The following ZNF90 variants were observed in gnomAD, a reference collection of about 807,000 sequenced individuals.
ZNF90 encodes the protein zinc finger protein 90.
A neutral mutation model predicts 12.0 loss-of-function variants in ZNF90; 11 were observed. The observed-to-expected ratio is 0.92, with a 90% CI of 0.58 to 1.52. The LOEUF (loss-of-function observed/expected upper bound fraction) is 1.52, where lower values mean the gene tolerates loss of function less well. ZNF90 is among the 40% of genes most tolerant of loss of function. The probability of loss-of-function intolerance (pLI) is 0.00; values close to 1 mark genes in which losing one functional copy is unlikely to be tolerated. For synonymous variants in ZNF90, 232 were observed against 240.1 expected (o/e 0.97, Z 0.31); for missense variants, 765 against 711.5 (o/e 1.08, Z -0.86).
At position 20,119,656 on chromosome 19, in the gene ZNF90, T is replaced by A. The variant is rs1555706375; in HGVS notation, c.*296T>A. 7.9e-6 allele frequency: 2 copies of A among 253,942 alleles called. No homozygotes were observed. Among genetic ancestry groups the A allele is most frequent in the Admixed American group, 5.0e-5 (1 of 19,918 alleles). 15.7% of individuals were successfully genotyped at this position (253,942 alleles called of 1,614,324 possible). On this transcript the variant is annotated 3_prime_UTR_variant, in exon 4 of 4. Transcript: ENST00000418063. Reference sequence around the variant, plus strand: ...TTTTTTTAAGAAGGAGTTTCATGCTTCTCACCCAGCCTGGAGTGCAATGGC... The same window carrying A: ...TTTTTTTAAGAAGGAGTTTCATGCTACTCACCCAGCCTGGAGTGCAATGGC...
At chr19:20,115,942 C>T (rs891441875) in intron 3 of ZNF90, among the ~76,000 whole-genome samples, 7 of 152,098 alleles carry the variant, frequency 4.6e-5, no homozygotes, top group African/African-American at 9.7e-5. Flanking sequence ...GGTGCAATCT[C>T]GGCTGACTGC....
chr19:20,116,228 G>T (rs976146890), intron 3 of ZNF90, among the ~76,000 whole-genome samples: 1 of 152,130 alleles, frequency 6.6e-6, no homozygotes, highest in Non-Finnish European at 1.5e-5. Context: ...GCAGTGCAGT[G>T]GTACAATCTC....
intron 3 of ZNF90, among the ~76,000 whole-genome samples, chr19:20,105,807 C>T (rs74719851): frequency 0.011 from 1,627 of 152,144 alleles, 16 homozygotes; most frequent in Middle Eastern, 0.027. Context: ...GTATGATATA[C>T]TTCTGCTCTG....
rs1290140746 is a variant in ZNF90, at chr19:20,119,637, TAAG to T, written c.*281_*283del. 1.5e-4 allele frequency: 40 copies of T among 273,646 alleles called. No individual in the cohort carries two copies. The highest frequency in any genetic ancestry group is 2.0e-4 in the Non-Finnish European group (30 of 147,268). 17.0% of individuals were successfully genotyped at this position (273,646 alleles called of 1,614,324 possible). On this transcript the variant is annotated 3_prime_UTR_variant, in exon 4 of 4. Coordinates refer to ENST00000418063, the MANE Select transcript of ZNF90 (RefSeq NM_007138.2). ...GTTCTCAATTCTTTTTTTTTTTTTT[TAAG>T]AAGGAGTTTCATGCTTCTCACCCAG...
chr19:20,108,757 A>C (rs1427340872), intron 3 of ZNF90, among the ~76,000 whole-genome samples: 2 of 94,296 alleles, frequency 2.1e-5, no homozygotes, highest in African/African-American at 8.6e-5. Context: ...TTTGAGATGG[A>C]GTCTCATTCT....
chr19:20,114,751 T>C (rs1429505469), intron 3 of ZNF90, among the ~76,000 whole-genome samples: 3 of 152,134 alleles, frequency 2.0e-5, no homozygotes, highest in Non-Finnish European at 4.4e-5. Flanking sequence ...TGTATCCTGA[T>C]GTTGTTGAGG....
At chr19:20,098,739 G>A (rs2088967226) in intron 1 of ZNF90, among the ~76,000 whole-genome samples, 1 of 152,180 alleles carries the variant, frequency 6.6e-6, no homozygotes. Context: ...TTGAGGCATT[G>A]GAGGATGTCA....
At chr19:20,106,611 G>A (rs544931625) in intron 3 of ZNF90, among the ~76,000 whole-genome samples, 5 of 152,068 alleles carry the variant, frequency 3.3e-5, no homozygotes, top group African/African-American at 4.8e-5. Flanking sequence ...CCGCCACCAC[G>A]CCCAGCTAAT....
chr19:20,078,744 G>T (rs1400318968), intron 1 of ZNF90, among the ~76,000 whole-genome samples: 1 of 152,124 alleles, frequency 6.6e-6, no homozygotes, highest in Non-Finnish European at 1.5e-5. Context: ...AAGCTTGAGT[G>T]TAAGCCAACC....
intron 1 of ZNF90, among the ~76,000 whole-genome samples, chr19:20,102,401 G>A (rs1189102867): frequency 2.0e-5 from 3 of 152,064 alleles, no homozygotes; most frequent in Non-Finnish European, 4.4e-5. Context: ...CTTTAAAATA[G>A]CCAATCAGAA....
chr19:20,099,756 G>A lies in ZNF90; in HGVS notation c.4-4483G>A, dbSNP rs183097180. On this transcript the variant is annotated intron_variant, in intron 1 of 3. Coordinates refer to ENST00000418063, the MANE Select transcript of ZNF90 (RefSeq NM_007138.2). ...GGGAGAGACATCCTAGCAAAAGCAG[G>A]GGCCATTGTACACTAGAATTAGGAG... 3.9e-5 allele frequency among the ~76,000 whole-genome samples: 6 copies of A among 152,302 alleles called. No individual in the cohort carries two copies. In the East Asian group the frequency reaches 1.2e-3, roughly 29 times the overall value.
At chr19:20,083,042 C>T (rs145288924) in intron 1 of ZNF90, among the ~76,000 whole-genome samples, 13 of 152,302 alleles carry the variant, frequency 8.5e-5, no homozygotes, top group Admixed American at 2.6e-4. Flanking sequence ...CATTTCTTCA[C>T]GTTTTCCTGC....
chr19:20,111,697 C>A (rs1368139777), intron 3 of ZNF90, among the ~76,000 whole-genome samples: 1 of 151,736 alleles, frequency 6.6e-6, no homozygotes, highest in Non-Finnish European at 1.5e-5. Context: ...TAAATTTTAT[C>A]TTTGTAATCA....
chr19:20,116,822 C>T (rs2089140538), intron 3 of ZNF90, among the ~76,000 whole-genome samples: 1 of 152,032 alleles, frequency 6.6e-6, no homozygotes, highest in Non-Finnish European at 1.5e-5. Context: ...AGTTTCTCTG[C>T]TTCTCTAACA....
At chr19:20,115,919 A>C (rs78507049) in intron 3 of ZNF90, among the ~76,000 whole-genome samples, 71 of 152,194 alleles carry the variant, frequency 4.7e-4, no homozygotes, top group Non-Finnish European at 7.4e-4. Context: ...TTTTCTGTCA[A>C]GCTGGAAGCA....
chr19:20,089,898 G>A (rs1275619828), intron 1 of ZNF90, among the ~76,000 whole-genome samples: 1 of 152,144 alleles, frequency 6.6e-6, no homozygotes, highest in East Asian at 1.9e-4. Context: ...GCGGCTAGGA[G>A]AGAATGGGTA....
Position 20,105,216 on chromosome 19 carries a change from A to G in ZNF90, c.131-5A>G. On this transcript the variant is annotated splice_region_variant and splice_polypyrimidine_tract_variant and intron_variant, in intron 2 of 3. Coordinates refer to ENST00000418063, the MANE Select transcript of ZNF90 (RefSeq NM_007138.2). ...GATTCATGTTATTTATTTTTAATAA[A>G]ACAGGTATTGTTGTCACTAAGCCAG... The G allele has an allele frequency of 1.9e-6, 3 of 1,594,816 alleles. No homozygotes were observed. The highest frequency in any genetic ancestry group is 2.6e-6 in the Non-Finnish European group (3 of 1,170,132).
At chr19:20,085,346 G>A (rs973229554) in intron 1 of ZNF90, among the ~76,000 whole-genome samples, 3 of 145,862 alleles carry the variant, frequency 2.1e-5, no homozygotes, top group East Asian at 2.1e-4. Flanking sequence ...TGCAAGCTCC[G>A]CCTCCCGGGT....
At chr19:20,078,312 C>T (rs1343066207) in intron 1 of ZNF90, among the ~76,000 whole-genome samples, 177 bp downstream of exon 1, 4 of 152,318 alleles carry the variant, frequency 2.6e-5, no homozygotes, top group Middle Eastern at 3.4e-3. Flanking sequence ...GCGCCGACAG[C>T]CGGGCCCCGC....
Sources: gnomAD v4.1 joint callset for allele counts (sites outside exome capture counted in the v4.1 genomes callset) on GRCh38, gnomAD v4.1.1 for gene constraint, MANE v1.5 for transcripts, NCBI Gene and HGNC (gene_info 2026-07-23, HGNC 2026-07-21) for gene names.